The following BLTP3A variants were observed in gnomAD, a reference collection of about 807,000 sequenced individuals.
BLTP3A encodes the protein bridge-like lipid transfer protein family member 3A.
the BLTP3A span, among the ~76,000 whole-genome samples, chr6:34,830,288 T>G: frequency 6.6e-6 from 1 of 151,744 alleles, no homozygotes; most frequent in Non-Finnish European, 1.5e-5. Flanking sequence ...TCCATGTATT[T>G]GCCAAAACCC....
chr6:34,836,427 C>G, the BLTP3A span: 614 of 1,376,810 alleles, frequency 4.5e-4, 1 homozygote, highest in Non-Finnish European at 5.4e-4. Context: ...GATGAAGGCT[C>G]TTTTCAGAAG....
chr6:34,817,718 T>C, the BLTP3A span, among the ~76,000 whole-genome samples: 1 of 152,210 alleles, frequency 6.6e-6, no homozygotes, highest in East Asian at 1.9e-4. Flanking sequence ...TAAGCAGGCC[T>C]GTTCTTTGTC....
At chr6:34,824,788 G>A in the BLTP3A span, among the ~76,000 whole-genome samples, 3 of 150,956 alleles carry the variant, frequency 2.0e-5, no homozygotes, top group African/African-American at 7.3e-5. Flanking sequence ...CTTGTGCCTC[G>A]GCCTCCTGAG....
chr6:34,813,700 A>G, the BLTP3A span, among the ~76,000 whole-genome samples: 8 of 152,326 alleles, frequency 5.3e-5, no homozygotes, highest in Non-Finnish European at 1.2e-4. Context: ...ACTGTGGGGT[A>G]TAGAAAGAGA....
chr6:34,854,196 T>A, the BLTP3A span, among the ~76,000 whole-genome samples: 5 of 152,118 alleles, frequency 3.3e-5, no homozygotes, highest in African/African-American at 1.2e-4. Flanking sequence ...CACTCCAGCC[T>A]GGGCAATAGA....
At chr6:34,811,915 A>G in the BLTP3A span, among the ~76,000 whole-genome samples, 1 of 152,126 alleles carries the variant, frequency 6.6e-6, no homozygotes, top group South Asian at 2.1e-4. Context: ...CTGTAGTCCT[A>G]GCTCCTTGGG....
At chr6:34,801,881 G>A in the BLTP3A span, among the ~76,000 whole-genome samples, 5 of 152,032 alleles carry the variant, frequency 3.3e-5, no homozygotes, top group East Asian at 1.9e-4. Context: ...GGGACTACAG[G>A]CGCCCGCCGC....
the BLTP3A span, among the ~76,000 whole-genome samples, chr6:34,850,299 C>G: frequency 1.3e-5 from 2 of 152,094 alleles, no homozygotes; most frequent in African/African-American, 4.8e-5. Flanking sequence ...CTATCCTTGA[C>G]TTTTGGGAGT....
the BLTP3A span, among the ~76,000 whole-genome samples, chr6:34,817,851 A>ATT: frequency 8.6e-5 from 12 of 138,820 alleles, no homozygotes; most frequent in East Asian, 2.1e-4. Flanking sequence ...ACGTGTAGGA[A>ATT]TTTTTTTTTT....
the BLTP3A span, among the ~76,000 whole-genome samples, chr6:34,860,268 T>C: frequency 6.6e-6 from 1 of 152,092 alleles, no homozygotes; most frequent in East Asian, 1.9e-4. Context: ...GCGCCAGAGA[T>C]AGAGTAGGGA....
the BLTP3A span, among the ~76,000 whole-genome samples, chr6:34,816,667 A>G: frequency 2.0e-5 from 3 of 152,166 alleles, no homozygotes; most frequent in African/African-American, 7.2e-5. Context: ...AGTTTATCTT[A>G]GTGGTTCTCA....
At chr6:34,858,417 T>TA in the BLTP3A span, 1 of 1,614,182 alleles carries the variant, frequency 6.2e-7, no homozygotes, top group Non-Finnish European at 8.5e-7. Flanking sequence ...CCCAGAGACC[T>TA]AAGGCTTCCT....
chr6:34,867,325 A>C, the BLTP3A span: 1 of 1,614,162 alleles, frequency 6.2e-7, no homozygotes, highest in East Asian at 2.2e-5. Flanking sequence ...GCCAGGGGTC[A>C]CCAGCAGCCA....
chr6:34,843,529 A>G, the BLTP3A span, among the ~76,000 whole-genome samples: 1 of 152,196 alleles, frequency 6.6e-6, no homozygotes, highest in Admixed American at 6.5e-5. Flanking sequence ...GGCATACGAT[A>G]CATAATAATC....
the BLTP3A span, among the ~76,000 whole-genome samples, chr6:34,843,778 T>A: frequency 6.6e-6 from 1 of 152,208 alleles, no homozygotes; most frequent in African/African-American, 2.4e-5. Flanking sequence ...GATTGCCTGA[T>A]CATATGGTAG....
chr6:34,858,716 T>G, the BLTP3A span: 1 of 1,614,190 alleles, frequency 6.2e-7, no homozygotes, highest in East Asian at 2.2e-5. Flanking sequence ...TTATCAGGAC[T>G]TACAGAAGTC....
the BLTP3A span, among the ~76,000 whole-genome samples, chr6:34,833,695 G>A: frequency 7.2e-5 from 11 of 151,884 alleles, no homozygotes; most frequent in South Asian, 2.1e-4. Context: ...TTGGGTGGCC[G>A]AGATGGGCAG....
the BLTP3A span, among the ~76,000 whole-genome samples, chr6:34,832,362 G>A: frequency 6.6e-6 from 1 of 151,916 alleles, no homozygotes; most frequent in African/African-American, 2.4e-5. Flanking sequence ...CTCAAGTGAT[G>A]TGCCTGCTTT....
chr6:34,868,678 C>T, the BLTP3A span, among the ~76,000 whole-genome samples: 2 of 150,230 alleles, frequency 1.3e-5, no homozygotes, highest in African/African-American at 4.9e-5. Flanking sequence ...GAGCCGAGAT[C>T]GCGCCCTTGT....
Sources: gnomAD v4.1 joint callset for allele counts (sites outside exome capture counted in the v4.1 genomes callset) on GRCh38, gnomAD v4.1.1 for gene constraint, MANE v1.5 for transcripts, NCBI Gene and HGNC (gene_info 2026-07-23, HGNC 2026-07-21) for gene names.